Variants in LRRIQ3 observed in about 807,000 individuals in gnomAD.
LRRIQ3 encodes the protein leucine-rich repeat and IQ domain-containing protein 3.
Under a neutral mutation model 59.3 loss-of-function variants are expected in LRRIQ3, and 75 were observed. That is an observed-to-expected ratio of 1.26 (90% CI 1.05 to 1.53). LRRIQ3 has a LOEUF of 1.53. LRRIQ3 is among the 40% of genes most tolerant of loss of function. The pLI is 0.00. For missense variants in LRRIQ3, 831 were observed against 710.0 expected (o/e 1.17, Z -1.94); for synonymous variants, 250 against 231.3 (o/e 1.08, Z -0.73).
At chr1:74,033,951 C>A (rs959479828) in intron 7 of LRRIQ3, among the ~76,000 whole-genome samples, 14 of 151,946 alleles carry the variant, frequency 9.2e-5, no homozygotes, top group African/African-American at 2.9e-4. Context: ...CTTAGAAAAA[C>A]CCCTGACTAG....
intron 7 of LRRIQ3, among the ~76,000 whole-genome samples, chr1:74,038,757 A>C (rs1015066652): frequency 7.9e-5 from 12 of 152,198 alleles, no homozygotes; most frequent in Non-Finnish European, 1.5e-5. Flanking sequence ...AAAAACAATC[A>C]AACAGAAAAC....
At chr1:74,193,630 T>C (rs1650912879) in intron 1 of LRRIQ3, among the ~76,000 whole-genome samples, 2 of 152,118 alleles carry the variant, frequency 1.3e-5, no homozygotes. Flanking sequence ...AAAGAAAGTC[T>C]TTGCTGAGTG....
At chr1:74,036,860 T>C (rs1361661775) in intron 7 of LRRIQ3, among the ~76,000 whole-genome samples, 3 of 152,236 alleles carry the variant, frequency 2.0e-5, no homozygotes, top group East Asian at 1.9e-4. Context: ...TTTACTGCCA[T>C]GAATTAAGCA....
At chr1:74,131,202 A>G (rs1400882018) in intron 4 of LRRIQ3, among the ~76,000 whole-genome samples, 2 of 152,164 alleles carry the variant, frequency 1.3e-5, no homozygotes, top group Non-Finnish European at 2.9e-5. Context: ...GAATAGACCA[A>G]TAACAGGCTC....
At chr1:74,082,255 CTAAATTCT>C (rs1349868889) in intron 5 of LRRIQ3, 1 of 151,448 alleles carries the variant, frequency 6.6e-6, no homozygotes, top group Non-Finnish European at 1.5e-5. Flanking sequence ...AAAGCATAGG[CTAAATTCT>C]TAAGCTCCTG....
At chr1:74,035,433 G>GT in intron 7 of LRRIQ3, among the ~76,000 whole-genome samples, 1 of 152,120 alleles carries the variant, frequency 6.6e-6, no homozygotes, top group South Asian at 2.1e-4. Context: ...TCTTAAAAAT[G>GT]TTCCTTGGCA....
At chr1:74,058,666 TATC>T (rs1222445431) in intron 6 of LRRIQ3, among the ~76,000 whole-genome samples, 5 of 152,030 alleles carry the variant, frequency 3.3e-5, no homozygotes, top group African/African-American at 1.2e-4. Flanking sequence ...GGGGAGTGAC[TATC>T]ATCAACAACA....
chr1:74,152,251 T>C (rs1648043160), intron 4 of LRRIQ3, among the ~76,000 whole-genome samples: 1 of 151,748 alleles, frequency 6.6e-6, no homozygotes, highest in South Asian at 2.1e-4. Context: ...TAATTATAAA[T>C]GAAAACAACA....
In LRRIQ3 at chr1:74,082,437, A is replaced by G. The variant is rs186146748; in HGVS notation, c.868-7647T>C. 3.3e-5 allele frequency: 5 copies of G among 151,762 alleles called. No individual in the cohort carries two copies. In the East Asian group the frequency reaches 9.7e-4, roughly 29 times the overall value. 9.4% of individuals were successfully genotyped at this position (151,762 alleles called of 1,614,324 possible). On this transcript the variant is annotated intron_variant, in intron 5 of 7. Transcript: ENST00000354431. ...GCAATTCTGAAAAGTTCATAGGGTC[A>G]TGTAAAATTTAATGATGGGCAATAA...
intron 6 of LRRIQ3, among the ~76,000 whole-genome samples, chr1:74,061,990 T>TA (rs1045818046): frequency 1.3e-5 from 2 of 152,096 alleles, no homozygotes; most frequent in African/African-American, 4.8e-5. Context: ...GCTGAGATCA[T>TA]ACCACTGCAC....
chr1:74,036,935 C>T (rs1304818767), intron 7 of LRRIQ3, among the ~76,000 whole-genome samples: 2 of 152,142 alleles, frequency 1.3e-5, no homozygotes, highest in Non-Finnish European at 2.9e-5. Context: ...TGGTTAATTA[C>T]ATTTTTACTC....
chr1:74,049,972 A>G (rs1296937351), intron 6 of LRRIQ3, among the ~76,000 whole-genome samples: 4 of 139,750 alleles, frequency 2.9e-5, no homozygotes, highest in African/African-American at 1.1e-4. Flanking sequence ...TGCCCAGGCT[A>G]GAGTGCAATG....
chr1:74,195,474 G>C (rs531992921), intron 1 of LRRIQ3, among the ~76,000 whole-genome samples: 21 of 152,268 alleles, frequency 1.4e-4, no homozygotes, highest in African/African-American at 5.1e-4. Flanking sequence ...CAGTGTAACT[G>C]GCATTAACTG....
At chr1:74,142,861 A>G (rs1570197557) in intron 4 of LRRIQ3, among the ~76,000 whole-genome samples, 1 of 152,084 alleles carries the variant, frequency 6.6e-6, no homozygotes, top group South Asian at 2.1e-4. Flanking sequence ...TATTGGAATG[A>G]GCCCACCCAT....
chr1:74,168,332 CAT>C (rs1649119814), intron 3 of LRRIQ3, among the ~76,000 whole-genome samples: 1 of 151,990 alleles, frequency 6.6e-6, no homozygotes, highest in African/African-American at 2.4e-5. Flanking sequence ...CATGATATAA[CAT>C]CTCTCTCCAC....
At chr1:74,102,062 A>G (rs1317967376) in intron 5 of LRRIQ3, among the ~76,000 whole-genome samples, 2 of 151,524 alleles carry the variant, frequency 1.3e-5, no homozygotes, top group Non-Finnish European at 2.9e-5. Flanking sequence ...GTATAATTAA[A>G]AAAAAAAAAA....
At chr1:74,035,577 A>C (rs148522717) in intron 7 of LRRIQ3, among the ~76,000 whole-genome samples, 5 of 152,252 alleles carry the variant, frequency 3.3e-5, no homozygotes, top group African/African-American at 1.2e-4. Context: ...TTCTTTGAGA[A>C]AGTTTTGTCC....
At chr1:74,191,729 TAATAAA>T (rs1397171542) in intron 1 of LRRIQ3, among the ~76,000 whole-genome samples, 1 of 152,074 alleles carries the variant, frequency 6.6e-6, no homozygotes, top group Non-Finnish European at 1.5e-5. Flanking sequence ...TATTTTGAAC[TAATAAA>T]AATAAAATGT....
chr1:74,111,756 C>T (rs1430731630), intron 4 of LRRIQ3, among the ~76,000 whole-genome samples: 2 of 152,034 alleles, frequency 1.3e-5, no homozygotes, highest in African/African-American at 2.4e-5. Context: ...TCTTTCCTCC[C>T]TTCCTCCCTC....
Sources: allele counts gnomAD v4.1 joint callset (sites outside exome capture counted in the v4.1 genomes callset), GRCh38; gene constraint gnomAD v4.1.1; transcripts MANE v1.5; gene names NCBI Gene and HGNC (gene_info 2026-07-23, HGNC 2026-07-21).